The following NRG1 variants were observed in gnomAD, a reference collection of about 807,000 sequenced individuals.
NRG1 encodes neuregulin 1, also known as pro-neuregulin-1, membrane-bound isoform.
Under a neutral mutation model 63.8 loss-of-function variants are expected in NRG1, and 18 were observed. That is an observed-to-expected ratio of 0.28 (90% CI 0.19 to 0.42). NRG1 has a LOEUF of 0.42. Ranked by LOEUF, NRG1 falls within the 10% of genes least tolerant of loss-of-function variation. NRG1 has a pLI of 1.00. For missense variants in NRG1, 762 were observed against 814.7 expected (o/e 0.94, Z 0.79); for synonymous variants, 302 against 301.3 (o/e 1.00, Z -0.02).
intron 5 of NRG1, among the ~76,000 whole-genome samples, chr8:32,661,623 G>A (rs1314628822): frequency 2.0e-5 from 3 of 147,816 alleles, no homozygotes; most frequent in South Asian, 4.3e-4. Flanking sequence ...TTCATTTAGG[G>A]CTTTTTTTTT....
rs1034215806 is a variant in NRG1, at chr8:32,496,887, C to T, written c.38-98941C>T. Among the ~76,000 whole-genome samples the T allele has an allele frequency of 2.6e-5, 4 of 151,962 alleles. No homozygotes were observed. The South Asian group carries it at 6.2e-4, about 24-fold the overall frequency. On this transcript the variant is annotated intron_variant, in intron 1 of 10. Transcript: ENST00000519301. ...ATACATGCATACATCTCATGTAATCCTTACTGTAATTAAGGATGAAATTAT... is the reference window on the plus strand; with the variant it reads ...ATACATGCATACATCTCATGTAATCTTTACTGTAATTAAGGATGAAATTAT...
intron 1 of NRG1, among the ~76,000 whole-genome samples, chr8:32,102,023 G>A (rs1446411260): frequency 1.3e-5 from 2 of 152,140 alleles, no homozygotes; most frequent in Non-Finnish European, 2.9e-5. Context: ...AGCAGGCTTC[G>A]TCGGAGGGTA....
At chr8:32,566,155 G>A (rs1333120048) in intron 1 of NRG1, among the ~76,000 whole-genome samples, 2 of 151,978 alleles carry the variant, frequency 1.3e-5, no homozygotes, top group African/African-American at 4.8e-5. Flanking sequence ...TCAGGAGTTC[G>A]TGACCAGCCT....
intron 1 of NRG1, among the ~76,000 whole-genome samples, chr8:31,768,474 C>T (rs1161490677): frequency 6.6e-6 from 1 of 152,136 alleles, no homozygotes; most frequent in Non-Finnish European, 1.5e-5. Flanking sequence ...ATTGGTGCAT[C>T]ATCTGTGAAG....
intron 1 of NRG1, among the ~76,000 whole-genome samples, chr8:32,297,780 T>C (rs1167622283): frequency 6.6e-6 from 1 of 152,222 alleles, no homozygotes; most frequent in African/African-American, 2.4e-5. Context: ...CCAAAGCCAG[T>C]CAATCCTAAA....
At chr8:32,588,558 C>A (rs1842022122) in intron 1 of NRG1, among the ~76,000 whole-genome samples, 1 of 152,122 alleles carries the variant, frequency 6.6e-6, no homozygotes. Flanking sequence ...AAATACTGCC[C>A]CCAATTTTAT....
chr8:32,254,148 A>C (rs1949505295), intron 1 of NRG1, among the ~76,000 whole-genome samples: 1 of 151,636 alleles, frequency 6.6e-6, no homozygotes, highest in Non-Finnish European at 1.5e-5. Context: ...CAGCTCTTGG[A>C]TTCATTGATT....
At chr8:32,120,333 G>A (rs1381631998) in intron 1 of NRG1, among the ~76,000 whole-genome samples, 4 of 151,958 alleles carry the variant, frequency 2.6e-5, no homozygotes, top group African/African-American at 9.7e-5. Flanking sequence ...CCACAGTCCT[G>A]GATAAAAATA....
chr8:31,923,162 AAC>A (rs1478432164), intron 1 of NRG1, among the ~76,000 whole-genome samples: 3 of 152,172 alleles, frequency 2.0e-5, no homozygotes, highest in South Asian at 2.1e-4. Context: ...TATGTTAAAA[AAC>A]AGTTTTTTTC....
intron 1 of NRG1, among the ~76,000 whole-genome samples, chr8:31,717,172 T>G (rs1415671128): frequency 6.6e-6 from 1 of 152,100 alleles, no homozygotes; most frequent in Non-Finnish European, 1.5e-5. Context: ...ACTGGGAGGC[T>G]GAGGCAGGTG....
chr8:32,231,539 G>A (rs7011955), intron 1 of NRG1, among the ~76,000 whole-genome samples: 17,551 of 152,008 alleles, frequency 0.12, 3,330 homozygotes, highest in African/African-American at 0.4. Flanking sequence ...TTATATTGCT[G>A]TCTCAAATCT....
At chr8:31,898,675 G>A (rs1198207033) in intron 1 of NRG1, among the ~76,000 whole-genome samples, 1 of 152,136 alleles carries the variant, frequency 6.6e-6, no homozygotes, top group Non-Finnish European at 1.5e-5. Context: ...CTGCCCTCCA[G>A]CCTGGGTGAC....
chr8:32,358,173 G>A (rs758403438), intron 1 of NRG1, among the ~76,000 whole-genome samples: 5 of 152,010 alleles, frequency 3.3e-5, no homozygotes, highest in Non-Finnish European at 7.4e-5. Flanking sequence ...CAGCAATCCT[G>A]GACTATGAGG....
intron 1 of NRG1, among the ~76,000 whole-genome samples, chr8:31,683,903 T>A (rs1344020551): frequency 6.6e-6 from 1 of 152,162 alleles, no homozygotes; most frequent in African/African-American, 2.4e-5. Context: ...ATCTTTAGTT[T>A]AGCATTTTAC....
intron 7 of NRG1, among the ~76,000 whole-genome samples, chr8:32,748,358 C>CACACACACACAG (rs748763782): frequency 9.8e-5 from 12 of 122,006 alleles, no homozygotes; most frequent in African/African-American, 3.3e-4. Context: ...CACACACACA[C>CACACACACACAG]AGAGAGAGAG....
intron 1 of NRG1, among the ~76,000 whole-genome samples, chr8:32,473,866 T>G (rs2129491161): frequency 6.6e-6 from 1 of 152,166 alleles, no homozygotes; most frequent in African/African-American, 2.4e-5. Flanking sequence ...TAAATTTTTT[T>G]CTAGAGACGA....
intron 1 of NRG1, among the ~76,000 whole-genome samples, chr8:31,894,101 T>C (rs1411431239): frequency 6.6e-6 from 1 of 152,116 alleles, no homozygotes; most frequent in Non-Finnish European, 1.5e-5. Context: ...GATTCTGATA[T>C]AGATAAACAG....
chr8:31,794,531 GA>G (rs1244612523), intron 1 of NRG1, among the ~76,000 whole-genome samples: 3 of 151,310 alleles, frequency 2.0e-5, no homozygotes, highest in African/African-American at 4.9e-5. Context: ...AAATGTTTAG[GA>G]ACTCGGTAGA....
chr8:32,184,226 G>C (rs1481029804), intron 1 of NRG1, among the ~76,000 whole-genome samples: 2 of 151,922 alleles, frequency 1.3e-5, no homozygotes, highest in Non-Finnish European at 2.9e-5. Context: ...TCAGGCAGTG[G>C]TATAAGAAGA....
Sources: gnomAD v4.1 joint callset for allele counts (sites outside exome capture counted in the v4.1 genomes callset) on GRCh38, gnomAD v4.1.1 for gene constraint, MANE v1.5 for transcripts, NCBI Gene and HGNC (gene_info 2026-07-23, HGNC 2026-07-21) for gene names.